The following RNF217 variants were observed in gnomAD, a reference collection of about 807,000 sequenced individuals.
RNF217 encodes ring finger protein 217.
Under a neutral mutation model 57.8 loss-of-function variants are expected in RNF217, and 31 were observed. That is an observed-to-expected ratio of 0.54 (90% CI 0.40 to 0.72). The LOEUF (loss-of-function observed/expected upper bound fraction) is 0.72, where lower values mean the gene tolerates loss of function less well. Among genes scored for constraint, RNF217 ranks in the 30% least tolerant of loss-of-function variants. RNF217 has a pLI of 0.00. For missense variants in RNF217, 696 were observed against 708.3 expected (o/e 0.98, Z 0.20); for synonymous variants, 313 against 294.0 (o/e 1.06, Z -0.66).
chr6:125,022,157 C>T (rs1785869127), intron 1 of RNF217, among the ~76,000 whole-genome samples: 1 of 152,200 alleles, frequency 6.6e-6, no homozygotes, highest in Non-Finnish European at 1.5e-5. Context: ...GCTGGGATTA[C>T]AGGCCTGCAC....
Position 125,082,847 on chromosome 6 carries a change from T to C in RNF217, c.1556-17T>C, listed in dbSNP as rs546098987. 2.4e-5 allele frequency: 38 copies of C among 1,572,032 alleles called. No homozygotes were observed. Among genetic ancestry groups the C allele is most frequent in the Non-Finnish European group, 3.3e-5 (38 of 1,152,654 alleles). On this transcript the variant is annotated splice_polypyrimidine_tract_variant and intron_variant, in intron 5 of 5. Transcript: ENST00000521654. ...TGCCTCTCATCCTAACTAACTTTAA[T>C]TTTTTCTTATCCCTAGGTTTATTTG... is the stretch of plus-strand genomic sequence containing the variant.
rs149949183 is a variant in RNF217 at position 125,001,409 on chromosome 6, A to G, written c.882+37983A>G. ...AATTCGAGAACGGTAGAATGAAGGAACTAGTGAAGTCTGGGGCACAGAGAA... is the reference window on the plus strand; with the variant it reads ...AATTCGAGAACGGTAGAATGAAGGAGCTAGTGAAGTCTGGGGCACAGAGAA... On this transcript the variant is annotated intron_variant, in intron 1 of 5. Transcript: ENST00000521654. 1.7e-3 allele frequency among the ~76,000 whole-genome samples: 254 copies of G among 152,324 alleles called. 2 individuals carry two copies. The highest frequency in any genetic ancestry group is 6.0e-3 in the African/African-American group (248 of 41,564).
chr6:124,967,246 C>T (rs1434033346), intron 1 of RNF217, among the ~76,000 whole-genome samples: 1 of 152,202 alleles, frequency 6.6e-6, no homozygotes, highest in Non-Finnish European at 1.5e-5. Context: ...TCCTGCACAT[C>T]CCTTAACCCT....
At chr6:125,036,214 ATGGTTTCCAGCTTCATCCATGTCCC>A (rs1312917339) in intron 1 of RNF217, among the ~76,000 whole-genome samples, 10 of 152,036 alleles carry the variant, frequency 6.6e-5, no homozygotes, top group African/African-American at 1.9e-4. Context: ...GCTGAGAATG[ATGGTTTCCAGCTTCATCCATGTCCC>A]TGCAAAGGAC....
chr6:125,015,246 C>T (rs1038874978), intron 1 of RNF217, among the ~76,000 whole-genome samples: 32 of 152,158 alleles, frequency 2.1e-4, no homozygotes, highest in African/African-American at 7.2e-4. Flanking sequence ...AACTCTATTA[C>T]TTTACACCCC....
chr6:124,971,906 A>G (rs530491562), intron 1 of RNF217, among the ~76,000 whole-genome samples: 1 of 152,226 alleles, frequency 6.6e-6, no homozygotes, highest in South Asian at 2.1e-4. Context: ...CTCACTTTGT[A>G]TACTGTTAGT....
At chr6:125,020,776 A>G (rs182139010) in intron 1 of RNF217, among the ~76,000 whole-genome samples, 18 of 152,338 alleles carry the variant, frequency 1.2e-4, no homozygotes, top group African/African-American at 4.1e-4. Flanking sequence ...TGCCTAGAAC[A>G]TTCACAGAAG....
chr6:125,076,920 G>C (rs1421123899), intron 4 of RNF217, 62 bp downstream of exon 4: 1 of 1,412,720 alleles, frequency 7.1e-7, no homozygotes, highest in Non-Finnish European at 1.0e-6. Flanking sequence ...AATAGAACTT[G>C]GAAATGTGCA....
chr6:124,964,632 C>A (rs1036199048), intron 1 of RNF217, among the ~76,000 whole-genome samples: 1 of 152,096 alleles, frequency 6.6e-6, no homozygotes, highest in African/African-American at 2.4e-5. Context: ...AGACTTAAAA[C>A]GGTATGTTAC....
intron 1 of RNF217, among the ~76,000 whole-genome samples, chr6:125,011,941 T>C (rs1785429959): frequency 6.6e-6 from 1 of 152,104 alleles, no homozygotes; most frequent in African/African-American, 2.4e-5. Flanking sequence ...TAGTGTGATT[T>C]GGAGTCCCCA....
At chr6:125,054,627 G>A (rs1250909477) in intron 2 of RNF217, among the ~76,000 whole-genome samples, 1 of 152,154 alleles carries the variant, frequency 6.6e-6, no homozygotes, top group South Asian at 2.1e-4. Context: ...TCATGCCACC[G>A]CTTAGGCAGC....
intron 4 of RNF217, 151 bp downstream of exon 4, chr6:125,077,009 A>C (rs1788402446): frequency 2.9e-6 from 2 of 698,598 alleles, no homozygotes; most frequent in African/African-American, 1.8e-5. Context: ...AATAAAATTT[A>C]AAACTTAAAT....
chr6:124,966,204 A>T (rs556290720), intron 1 of RNF217, among the ~76,000 whole-genome samples: 1 of 152,238 alleles, frequency 6.6e-6, no homozygotes, highest in Non-Finnish European at 1.5e-5. Context: ...GGTTAAAAAT[A>T]CAGGATTGTG....
chr6:125,039,420 C>T (rs140319300), intron 1 of RNF217, among the ~76,000 whole-genome samples: 1 of 152,058 alleles, frequency 6.6e-6, no homozygotes. Context: ...TATATATGCA[C>T]CCAATACAGG....
At chr6:124,966,824 T>C (rs1224429243) in intron 1 of RNF217, among the ~76,000 whole-genome samples, 3 of 152,216 alleles carry the variant, frequency 2.0e-5, no homozygotes, top group Non-Finnish European at 4.4e-5. Context: ...GGCCAATTGG[T>C]AGGTGTCATC....
chr6:125,040,539 A>G (rs1786838463), intron 1 of RNF217, among the ~76,000 whole-genome samples: 1 of 152,206 alleles, frequency 6.6e-6, no homozygotes, highest in Admixed American at 6.5e-5. Context: ...ATTCCTTCTG[A>G]AACTATTCCA....
chr6:125,081,543 T>C (rs998124234), intron 5 of RNF217, 36 bp downstream of exon 5: 3 of 1,505,272 alleles, frequency 2.0e-6, no homozygotes, highest in Non-Finnish European at 1.8e-6. Context: ...ATTAGAATTA[T>C]CTGAGGGCCA....
chr6:125,023,875 A>G (rs1364681634), intron 1 of RNF217, among the ~76,000 whole-genome samples: 1 of 152,176 alleles, frequency 6.6e-6, no homozygotes, highest in African/African-American at 2.4e-5. Context: ...TTAAAAAGTC[A>G]AACTCATAGA....
intron 1 of RNF217, among the ~76,000 whole-genome samples, chr6:124,996,897 G>C (rs912443501): frequency 6.6e-6 from 1 of 152,006 alleles, no homozygotes; most frequent in Non-Finnish European, 1.5e-5. Context: ...ATGTAATTTT[G>C]AAAGTTGGAG....
Sources: gnomAD v4.1 joint callset for allele counts (sites outside exome capture counted in the v4.1 genomes callset) on GRCh38, gnomAD v4.1.1 for gene constraint, MANE v1.5 for transcripts, NCBI Gene and HGNC (gene_info 2026-07-23, HGNC 2026-07-21) for gene names.